ADCY2: variants seen among roughly 807,000 people sequenced by gnomAD.
ADCY2 encodes the protein adenylate cyclase 2.
ADCY2 carries 31 observed loss-of-function variants against 125.2 expected under a neutral mutation model. The observed-to-expected ratio is 0.25, with a 90% CI of 0.19 to 0.33. ADCY2 has a LOEUF of 0.33. Among genes scored for constraint, ADCY2 ranks in the 10% least tolerant of loss-of-function variants. ADCY2 has a pLI of 1.00. For missense variants in ADCY2, 904 were observed against 1,418.2 expected (o/e 0.64, Z 5.82); for synonymous variants, 512 against 548.4 (o/e 0.93, Z 0.93).
At position 7,467,972 on chromosome 5, in the gene ADCY2, A is replaced by G. The variant is rs537654993; in HGVS notation, c.409-52766A>G. Among the ~76,000 whole-genome samples, 5 of 152,352 alleles carry G rather than the reference A, an allele frequency of 3.3e-5. No homozygotes were observed. The East Asian group carries it at 9.6e-4, about 29-fold the overall frequency. On this transcript the variant is annotated intron_variant, in intron 2 of 24. Transcript: ENST00000338316. ...CAATGAAAAGAAAAACTGCTGGTTT[A>G]TAAACCATAATTCCATAAGAAGAAC...
chr5:7,444,045 C>T (rs1199131399), intron 2 of ADCY2, among the ~76,000 whole-genome samples: 1 of 151,238 alleles, frequency 6.6e-6, no homozygotes, highest in Non-Finnish European at 1.5e-5. Context: ...CTCATACCTG[C>T]TATTTTTGTC....
At chr5:7,413,531 C>G (rs1032329557) in intron 1 of ADCY2, among the ~76,000 whole-genome samples, 9 of 152,110 alleles carry the variant, frequency 5.9e-5, no homozygotes, top group African/African-American at 1.7e-4. Flanking sequence ...ATCTCCTGAC[C>G]TTGTGATCTG....
chr5:7,417,606 C>T (rs1202269257), intron 2 of ADCY2, among the ~76,000 whole-genome samples: 1 of 152,160 alleles, frequency 6.6e-6, no homozygotes, highest in Non-Finnish European at 1.5e-5. Flanking sequence ...ACCAATTAAT[C>T]AGGATAAGGT....
intron 3 of ADCY2, among the ~76,000 whole-genome samples, chr5:7,539,243 A>G (rs1411650174): frequency 6.6e-6 from 1 of 152,156 alleles, no homozygotes; most frequent in Non-Finnish European, 1.5e-5. Flanking sequence ...GTTAATTAAG[A>G]TAATTCATTA....
At chr5:7,589,524 G>GAAAAAAGAAAAGAA (rs1554022167) in intron 3 of ADCY2, among the ~76,000 whole-genome samples, 1 of 67,866 alleles carries the variant, frequency 1.5e-5, no homozygotes, top group Non-Finnish European at 3.4e-5. Flanking sequence ...AGAAAAGAAA[G>GAAAAAAGAAAAGAA]AGAAAGAAAG....
intron 2 of ADCY2, among the ~76,000 whole-genome samples, chr5:7,451,997 G>A (rs931854377): frequency 6.6e-5 from 10 of 152,132 alleles, no homozygotes; most frequent in Admixed American, 2.6e-4. Context: ...TGCAACGTCC[G>A]CCTCCCAGGT....
intron 1 of ADCY2, among the ~76,000 whole-genome samples, chr5:7,413,288 G>A (rs567665605): frequency 1.3e-5 from 2 of 149,436 alleles, no homozygotes; most frequent in African/African-American, 4.9e-5. Context: ...CAGCCTTGGG[G>A]TTTTTTTTTT....
chr5:7,826,232 G>A (rs943005287), intron 24 of ADCY2, among the ~76,000 whole-genome samples: 16 of 152,108 alleles, frequency 1.1e-4, no homozygotes, highest in Non-Finnish European at 2.2e-4. Flanking sequence ...TCCTCCCATC[G>A]ACACTGACAT....
At chr5:7,478,195 G>A (rs1742590552) in intron 2 of ADCY2, among the ~76,000 whole-genome samples, 1 of 152,132 alleles carries the variant, frequency 6.6e-6, no homozygotes, top group Non-Finnish European at 1.5e-5. Flanking sequence ...CAGGTGAGCA[G>A]GGTTGTCTTT....
At chr5:7,482,120 A>T (rs996567249) in intron 2 of ADCY2, among the ~76,000 whole-genome samples, 8 of 152,140 alleles carry the variant, frequency 5.3e-5, no homozygotes, top group African/African-American at 1.9e-4. Flanking sequence ...TTCAAAAAGT[A>T]TTGATCTGGG....
chr5:7,817,944 T>C (rs1049440407), intron 23 of ADCY2, among the ~76,000 whole-genome samples: 9 of 152,166 alleles, frequency 5.9e-5, no homozygotes, highest in African/African-American at 2.2e-4. Flanking sequence ...TTTCATGACT[T>C]GCCTTTTACA....
At chr5:7,588,634 T>C (rs1736708570) in intron 3 of ADCY2, among the ~76,000 whole-genome samples, 1 of 152,234 alleles carries the variant, frequency 6.6e-6, no homozygotes, top group Non-Finnish European at 1.5e-5. Flanking sequence ...AATGCAGCCA[T>C]AGACAACATG....
intron 14 of ADCY2, among the ~76,000 whole-genome samples, chr5:7,736,056 C>T (rs563321013): frequency 6.6e-6 from 1 of 151,896 alleles, no homozygotes; most frequent in Admixed American, 6.6e-5. Context: ...CCCTCTCTAC[C>T]AAAAATACAA....
chr5:7,410,002 C>T (rs1739648628), intron 1 of ADCY2, among the ~76,000 whole-genome samples: 1 of 152,176 alleles, frequency 6.6e-6, no homozygotes, highest in South Asian at 2.1e-4. Flanking sequence ...TGTATCTCCA[C>T]ACATCCATTT....
Position 7,647,322 on chromosome 5 carries a change from T to C in ADCY2, c.720+21006T>C, listed in dbSNP as rs146682405. ...CCCAGAGAAATCTTCCCGAGACAAA[T>C]TGTAGGCATGAGAGTCACAGAGCAG... is the stretch of plus-strand genomic sequence containing the variant. On this transcript the variant is annotated intron_variant, in intron 4 of 24. Coordinates refer to ENST00000338316, the MANE Select transcript of ADCY2 (RefSeq NM_020546.3). Among the ~76,000 whole-genome samples, 450 of 152,240 alleles carry C rather than the reference T, an allele frequency of 3.0e-3. 3 individuals are homozygous for C. The highest frequency in any genetic ancestry group is 0.01 in the African/African-American group (432 of 41,548).
intron 3 of ADCY2, among the ~76,000 whole-genome samples, chr5:7,582,416 A>C (rs1736466151): frequency 6.6e-6 from 1 of 152,174 alleles, no homozygotes; most frequent in East Asian, 1.9e-4. Context: ...TTGTCGACTC[A>C]TTTTATGAGG....
Position 7,697,173 on chromosome 5 carries a change from C to T in ADCY2, c.982-1074C>T, listed in dbSNP as rs370179268. ...TCTTAACTAATTAAATCTGCAGGAG[C>T]GCTATTGCCAAATAGGTTCACATTC... On this transcript the variant is annotated intron_variant, in intron 6 of 24. Coordinates refer to ENST00000338316, the MANE Select transcript of ADCY2 (RefSeq NM_020546.3). Among the ~76,000 whole-genome samples the T allele has an allele frequency of 3.3e-5, 5 of 151,936 alleles. No homozygotes were observed. The East Asian group carries it at 7.8e-4, about 24-fold the overall frequency.
intron 3 of ADCY2, among the ~76,000 whole-genome samples, chr5:7,558,236 A>G (rs1192394771): frequency 6.6e-6 from 1 of 151,990 alleles, no homozygotes; most frequent in Non-Finnish European, 1.5e-5. Flanking sequence ...TGCTTTTAGT[A>G]GAGATGGGGT....
intron 4 of ADCY2, among the ~76,000 whole-genome samples, chr5:7,689,574 C>A (rs541187875): frequency 1.3e-5 from 2 of 152,138 alleles, no homozygotes; most frequent in Admixed American, 6.5e-5. Flanking sequence ...TCCTAACCCA[C>A]CCTCAGCTCT....
Sources: gnomAD v4.1 joint callset for allele counts (sites outside exome capture counted in the v4.1 genomes callset) on GRCh38, gnomAD v4.1.1 for gene constraint, MANE v1.5 for transcripts, NCBI Gene and HGNC (gene_info 2026-07-23, HGNC 2026-07-21) for gene names.